KIF6: variants seen among roughly 807,000 people sequenced by gnomAD.
KIF6 encodes the protein kinesin family member 6.
In KIF6, 106 loss-of-function variants were observed where a neutral mutation model predicts 112.7. The ratio of observed to expected loss-of-function variants is 0.94; its 90% CI spans 0.80 to 1.11. The LOEUF (loss-of-function observed/expected upper bound fraction) is 1.11. KIF6 is among the 50% of genes least tolerant of loss of function. The pLI is 0.00. For synonymous variants in KIF6, 339 were observed against 339.9 expected (o/e 1.00, Z 0.03); for missense variants, 929 against 964.0 (o/e 0.96, Z 0.48).
At chr6:39,346,071 TCTCTCTCTCTCTCTCCCCC>T (rs1763707809) in intron 20 of KIF6, among the ~76,000 whole-genome samples, 1 of 19,698 alleles carries the variant, frequency 5.1e-5, no homozygotes, top group East Asian at 1.4e-3. Context: ...TCTCTCTCTC[TCTCTCTCTCTCTCTCCCCC>T]CCCTCTCCCT....
chr6:39,562,193 C>T (rs1402787593), intron 10 of KIF6, among the ~76,000 whole-genome samples: 1 of 152,158 alleles, frequency 6.6e-6, no homozygotes, highest in Admixed American at 6.5e-5. Flanking sequence ...GTTACTTCTA[C>T]ATAAACTGTC....
rs190305065 is a variant in KIF6, at chr6:39,570,293, T to C, written c.1181+7763A>G. 2.0e-5 allele frequency among the ~76,000 whole-genome samples: 3 copies of C among 152,248 alleles called. No homozygotes were observed. In the East Asian group the frequency reaches 5.8e-4, roughly 29 times the overall value. On this transcript the variant is annotated intron_variant, in intron 10 of 22. Coordinates refer to ENST00000287152, the MANE Select transcript of KIF6 (RefSeq NM_145027.6). ...AGACATTGACTGATGGAGGATACAGTGGTAGAGACCAGGTCTGGGGAAAAA... is the reference window on the plus strand; with the variant it reads ...AGACATTGACTGATGGAGGATACAGCGGTAGAGACCAGGTCTGGGGAAAAA...
At chr6:39,566,108 C>T (rs926864434) in intron 10 of KIF6, among the ~76,000 whole-genome samples, 1 of 152,176 alleles carries the variant, frequency 6.6e-6, no homozygotes, top group Admixed American at 6.5e-5. Context: ...CTTCACCACC[C>T]TCACTCAAGC....
rs1045037541 is a variant in KIF6 at position 39,639,665 on chromosome 6, C to T, written c.344G>A (p.Ser115Asn). Reference sequence around the variant, plus strand: ...TGTCCTTGGGATAATGCCTCTGTCACTGTAACGCTCTGCACCCCCTGTGAT... The same window carrying T: ...TGTCCTTGGGATAATGCCTCTGTCATTGTAACGCTCTGCACCCCCTGTGAT... ...FTITGGAERY[S>N]DRGIIPRTLS... Residue 115 changes from serine to asparagine, a missense_variant, in exon 4 of 23, where the codon AGT (serine) becomes AAT (asparagine). Physicochemically the swap from Ser to Asn is conservative, Grantham distance 46. Transcript: ENST00000287152. 12 of 1,610,818 alleles carry T rather than the reference C, an allele frequency of 7.4e-6. No homozygotes were observed. The highest frequency in any genetic ancestry group is 1.0e-5 in the Non-Finnish European group (12 of 1,178,606).
intron 7 of KIF6, among the ~76,000 whole-genome samples, chr6:39,590,937 A>G (rs912079580): frequency 6.6e-6 from 1 of 152,204 alleles, no homozygotes; most frequent in African/African-American, 2.4e-5. Flanking sequence ...GTTTTTGCCT[A>G]TATCTCAGCT....
In KIF6 at chr6:39,343,779, G is replaced by A. The variant is rs767373723; in HGVS notation, c.2358C>T (p.Thr786=). ...PKRPVSSIPL[T]GDSQTDSDII... ...TGTCCGAGTCCGTCTGGCTGTCTCC[G>A]GTGAGAGGGATGGACGACACTGGCC... The change falls in exon 22 of 23, where the codon ACC becomes ACT. Residue 786 remains threonine (T), a synonymous_variant. Coordinates refer to ENST00000287152, the MANE Select transcript of KIF6 (RefSeq NM_145027.6). The surrounding 1 kb of genome is among the most constrained non-coding windows in gnomAD (Gnocchi z 4.1). 52 of 1,612,416 alleles carry A rather than the reference G, an allele frequency of 3.2e-5. No homozygotes were observed. The highest frequency in any genetic ancestry group is 2.9e-4 in the East Asian group (13 of 44,850).
chr6:39,553,517 C>T (rs991837664), intron 10 of KIF6, among the ~76,000 whole-genome samples: 5 of 152,044 alleles, frequency 3.3e-5, no homozygotes, highest in Non-Finnish European at 7.4e-5. Context: ...GCATTCATGG[C>T]CAGGTACTTC....
chr6:39,431,524 C>T (rs1467906627), intron 13 of KIF6: 5 of 194,414 alleles, frequency 2.6e-5, no homozygotes, highest in Non-Finnish European at 2.1e-5. Context: ...CCCTGGTATG[C>T]CCTATTTTGT....
chr6:39,674,510 G>A lies in KIF6; in HGVS notation c.252-34753C>T, dbSNP rs564169363. Among the ~76,000 whole-genome samples, 17 of 152,120 alleles carry A rather than the reference G, an allele frequency of 1.1e-4. No homozygotes were observed. The South Asian group carries it at 2.9e-3, about 26-fold the overall frequency. ...CCGTATACACAAAGGCCCAGAGTGC[G>A]CACTTAAGAAATATGGGCTGAACCA... is the stretch of plus-strand genomic sequence containing the variant. On this transcript the variant is annotated intron_variant, in intron 3 of 22. Coordinates refer to ENST00000287152, the MANE Select transcript of KIF6 (RefSeq NM_145027.6).
At chr6:39,716,298 G>C (rs1345024175) in intron 2 of KIF6, among the ~76,000 whole-genome samples, 1 of 14,778 alleles carries the variant, frequency 6.8e-5, no homozygotes, top group Non-Finnish European at 2.1e-4. Flanking sequence ...TATCTATAAA[G>C]GATATTGAAT....
chr6:39,636,706 T>G (rs1248587895), intron 4 of KIF6, among the ~76,000 whole-genome samples: 2 of 152,012 alleles, frequency 1.3e-5, no homozygotes, highest in African/African-American at 2.4e-5. Flanking sequence ...AGGGGATATT[T>G]TGGCAACATT....
chr6:39,705,182 T>C (rs904675800), intron 3 of KIF6, among the ~76,000 whole-genome samples: 1 of 152,180 alleles, frequency 6.6e-6, no homozygotes, highest in African/African-American at 2.4e-5. Flanking sequence ...CAAACCTTAG[T>C]GTGCATCAGA....
intron 5 of KIF6, among the ~76,000 whole-genome samples, 168 bp downstream of exon 5, chr6:39,634,681 T>C (rs1283497906): frequency 6.6e-6 from 1 of 151,996 alleles, no homozygotes; most frequent in Non-Finnish European, 1.5e-5. Context: ...ATCACTACTG[T>C]CCATTTGTCA....
At chr6:39,431,268 A>T in intron 13 of KIF6, 107 bp from the exon 14 acceptor site, 2 of 662,388 alleles carry the variant, frequency 3.0e-6, no homozygotes, top group South Asian at 3.6e-5. Flanking sequence ...CAAGAGGCCC[A>T]CAGCAGAGAG....
intron 7 of KIF6, among the ~76,000 whole-genome samples, chr6:39,591,431 T>C (rs928412363): frequency 6.6e-6 from 1 of 152,220 alleles, no homozygotes; most frequent in Non-Finnish European, 1.5e-5. Flanking sequence ...AAAGTGGTAT[T>C]GGAATGTCTA....
chr6:39,380,020 T>A (rs1179684099), intron 16 of KIF6, among the ~76,000 whole-genome samples: 1 of 152,224 alleles, frequency 6.6e-6, no homozygotes, highest in African/African-American at 2.4e-5. Flanking sequence ...GGTAAAGTAC[T>A]CAAGAAACAT....
chr6:39,659,744 C>A (rs544368835), intron 3 of KIF6, among the ~76,000 whole-genome samples: 2 of 152,296 alleles, frequency 1.3e-5, no homozygotes, highest in African/African-American at 4.8e-5. Flanking sequence ...TTTCTGAGGC[C>A]TTCCCAGCAA....
chr6:39,415,722 A>C (rs1769869380), intron 15 of KIF6, among the ~76,000 whole-genome samples: 1 of 152,252 alleles, frequency 6.6e-6, no homozygotes. Flanking sequence ...CAGAACATGC[A>C]CAGAACTGAC....
chr6:39,562,517 A>G (rs965727557), intron 10 of KIF6, among the ~76,000 whole-genome samples: 3 of 152,194 alleles, frequency 2.0e-5, no homozygotes, highest in African/African-American at 7.2e-5. Context: ...TACCACTTGC[A>G]TTTTGCCACA....
Sources: allele counts gnomAD v4.1 joint callset (sites outside exome capture counted in the v4.1 genomes callset), GRCh38; gene constraint gnomAD v4.1.1; non-coding constraint Gnocchi (gnomAD v3.1); transcripts MANE v1.5; gene names NCBI Gene and HGNC (gene_info 2026-07-23, HGNC 2026-07-21).